Variants in FN3K observed in about 807,000 individuals in gnomAD.
FN3K encodes the protein fructosamine-3-kinase.
In FN3K, 24 loss-of-function variants were observed where a neutral mutation model predicts 24.8. The ratio of observed to expected loss-of-function variants is 0.97; its 90% confidence interval spans 0.70 to 1.36. FN3K has a LOEUF of 1.36. Ranked by LOEUF, FN3K falls within the 40% of genes most tolerant of loss-of-function variation. FN3K has a pLI of 0.00. For missense variants in FN3K, 449 were observed against 416.7 expected (o/e 1.08, Z -0.67); for synonymous variants, 192 against 175.2 (o/e 1.10, Z -0.76).
At position 82,748,700 on chromosome 17, in the gene FN3K, A is replaced by G. The variant is rs539155470; in HGVS notation, c.469-155A>G. Among the ~76,000 whole-genome samples the G allele has an allele frequency of 4.6e-5, 7 of 151,818 alleles. No individual in the cohort carries two copies. The East Asian group carries it at 1.4e-3, about 29-fold the overall frequency. On this transcript the variant is annotated intron_variant, in intron 4 of 5. Transcript: ENST00000300784. ...TTCATCTGCCCTTTGTTCTCTCTTT[A>G]CCTGCCTTCCTCTGGGTTGAGTATT... is the stretch of plus-strand genomic sequence containing the variant.
chr17:82,741,600 C>T (rs1417611017), intron 4 of FN3K: 3 of 532,564 alleles, frequency 5.6e-6, no homozygotes, highest in Non-Finnish European at 1.0e-5. Flanking sequence ...CATGCTGGGG[C>T]AGGCAGATCA....
Position 82,750,646 on chromosome 17 carries a change from A to C in FN3K, c.821A>C (p.Asp274Ala), listed in dbSNP as rs144849238. 2,035 of 1,613,754 alleles carry C rather than the reference A, an allele frequency of 1.3e-3. 3 individuals are homozygous for C. The highest frequency in any genetic ancestry group is 1.6e-3 in the Non-Finnish European group (1,921 of 1,179,988). Residue 274 changes from aspartate to alanine, a missense_variant, in exon 6 of 6, where the codon GAC (aspartate) becomes GCC (alanine). Physicochemically the swap from Asp to Ala is moderately radical, Grantham distance 126. Coordinates refer to ENST00000300784, the MANE Select transcript of FN3K (RefSeq NM_022158.4). The part of the protein sequence containing the change: ...HRKIPKAPGF[D>A]QRLLLYQLFN... ...AAGATCCCCAAGGCTCCGGGCTTCG[A>C]CCAGCGGCTGCTGCTCTACCAGCTG...
chr17:82,741,406 G>A lies in FN3K; in HGVS notation c.468+13G>A. The A allele has an allele frequency of 6.2e-7, 1 of 1,611,184 alleles. No homozygotes were observed. The highest frequency in any genetic ancestry group is 1.7e-5 in the Admixed American group (1 of 59,718). On this transcript the variant is annotated intron_variant, in intron 4 of 5. Transcript: ENST00000300784. ...CTTCATCCCGCAGGTGAGTGCCTGG[G>A]TGAGGGTGTTCCCTGATGCCCTAAT...
chr17:82,745,270 T>G (rs2046962373), intron 4 of FN3K: 1 of 194,780 alleles, frequency 5.1e-6, no homozygotes, highest in Non-Finnish European at 1.0e-5. Flanking sequence ...TATGCTGCCT[T>G]CAAGCATTTG....
rs771122896 is a variant in FN3K at position 82,735,729 on chromosome 17, C to T, written c.93C>T (p.Tyr31=). The T allele has an allele frequency of 4.0e-5, 63 of 1,558,190 alleles. No homozygotes were observed. Among genetic ancestry groups the T allele is most frequent in the African/African-American group, 6.8e-5 (5 of 73,928 alleles). The change falls in exon 1 of 6, where the codon TAC becomes TAT. Residue 31 remains tyrosine (Y), a synonymous_variant. Coordinates refer to ENST00000300784, the MANE Select transcript of FN3K (RefSeq NM_022158.4). ...GAGCISEGRA[Y]DTDAGPVFVK... is the part of the protein sequence containing the mutation. ...GCTGCATCAGCGAGGGCCGAGCCTA[C>T]GACACGGACGCAGGCCCAGTGTTCG... is the stretch of plus-strand genomic sequence containing the variant.
chr17:82,737,626 A>G (rs1008189681), intron 1 of FN3K: 1 of 152,118 alleles, frequency 6.6e-6, no homozygotes, highest in African/African-American at 2.4e-5. Context: ...ACGGCGGTGG[A>G]ACTCCATCTC....
At chr17:82,736,100 C>A (rs1415153858) in intron 1 of FN3K, 5 of 305,032 alleles carry the variant, frequency 1.6e-5, no homozygotes, top group Non-Finnish European at 2.5e-5. Context: ...AGCCCACCGT[C>A]CTCCTGGCAG....
At chr17:82,742,338 G>A (rs149309089) in intron 4 of FN3K, among the ~76,000 whole-genome samples, 1 of 152,274 alleles carries the variant, frequency 6.6e-6, no homozygotes, top group East Asian at 1.9e-4. Context: ...ACCATGCCTG[G>A]CCAGAACATT....
intron 1 of FN3K, among the ~76,000 whole-genome samples, chr17:82,736,958 G>A (rs1224607832): frequency 6.6e-6 from 1 of 152,058 alleles, no homozygotes; most frequent in African/African-American, 2.4e-5. Context: ...CATAGTAGCT[G>A]CTCAGTCCAT....
rs543538915 is a variant in FN3K at position 82,739,289 on chromosome 17, T to C, written c.293+649T>C. 5.3e-5 allele frequency among the ~76,000 whole-genome samples: 8 copies of C among 151,868 alleles called. No homozygotes were observed. The South Asian group carries it at 1.5e-3, about 28-fold the overall frequency. On this transcript the variant is annotated intron_variant, in intron 2 of 5. Transcript: ENST00000300784. ...AACCCATCATTTGCTTTGTACTTTA[T>C]TTTTATTTTATTTTTCCAAGACAGA...
At chr17:82,743,579 G>A (rs1310717981) in intron 4 of FN3K, among the ~76,000 whole-genome samples, 1 of 152,106 alleles carries the variant, frequency 6.6e-6, no homozygotes, top group African/African-American at 2.4e-5. Flanking sequence ...GCCCCCTGGG[G>A]CTGCCAGCTG....
chr17:82,749,232 A>T lies in FN3K; in HGVS notation c.591+255A>T, dbSNP rs113025137. 8.0e-3 allele frequency: 4,510 copies of T among 562,602 alleles called. 181 individuals are homozygous for T. Among genetic ancestry groups the T allele is most frequent in the African/African-American group, 0.076 (4,059 of 53,474 alleles). 34.9% of individuals were successfully genotyped at this position (562,602 alleles called of 1,614,324 possible). A position where few individuals can be genotyped will look rare whatever the true frequency, so the allele number is the denominator to read the frequency against. ...AGGTATTTAGCCTCAGACTTTCCTC[A>T]TGTGAAACACAGGTGCTTGTAAATG... On this transcript the variant is annotated intron_variant, in intron 5 of 5. Coordinates refer to ENST00000300784, the MANE Select transcript of FN3K (RefSeq NM_022158.4).
chr17:82,738,393 C>T (rs1364502340), intron 1 of FN3K, 96 bp from the exon 2 acceptor site: 75 of 1,530,600 alleles, frequency 4.9e-5, no homozygotes, highest in Non-Finnish European at 6.7e-5. Flanking sequence ...GAATGAAGGT[C>T]CTTGTGACTC....
In FN3K at chr17:82,738,946, A is replaced by ATT. The variant is rs539276396; in HGVS notation, c.293+319_293+320dup. Among the ~76,000 whole-genome samples the ATT allele has an allele frequency of 1.0e-4, 9 of 86,152 alleles. No homozygotes were observed. The South Asian group carries it at 2.2e-3, about 21-fold the overall frequency. 56.5% of individuals were successfully genotyped at this position (86,152 alleles called of 152,430 possible). A position where few individuals can be genotyped will look rare whatever the true frequency, so the allele number is the denominator to read the frequency against. ...TACACATATATATATATATATATAT[A>ATT]TTTTTTTTTTTTTTGAAACACAGTC... is the stretch of plus-strand genomic sequence containing the variant. On this transcript the variant is annotated intron_variant, in intron 2 of 5. Transcript: ENST00000300784.
In FN3K at chr17:82,751,196, C is replaced by T. The variant is rs2047044028; in HGVS notation, c.*441C>T. 1 of 141,058 alleles carries T rather than the reference C, an allele frequency of 7.1e-6. No individual in the cohort carries two copies. Among genetic ancestry groups the T allele is most frequent in the Non-Finnish European group, 1.4e-5 (1 of 70,690 alleles). 8.7% of individuals were successfully genotyped at this position (141,058 alleles called of 1,614,324 possible). A position where few individuals can be genotyped will look rare whatever the true frequency, so the allele number is the denominator to read the frequency against. ...AAAGCCCGCAGCGGGTCTCGGCTGG[C>T]GTCCTGCGCCTCGTTCCTCCGCTCG... On this transcript the variant is annotated 3_prime_UTR_variant, in exon 6 of 6. Transcript: ENST00000300784.
chr17:82,742,600 G>A (rs2046946817), intron 4 of FN3K: 2 of 423,114 alleles, frequency 4.7e-6, no homozygotes, highest in South Asian at 1.7e-5. Context: ...TAGGCCACAC[G>A]TTTCTTTACA....
chr17:82,749,228 C>G (rs2046986852), intron 5 of FN3K: 2 of 569,770 alleles, frequency 3.5e-6, no homozygotes, highest in Non-Finnish European at 6.3e-6. Flanking sequence ...CTCAGACTTT[C>G]CTCATGTGAA....
chr17:82,746,603 C>G (rs914448198), intron 4 of FN3K, among the ~76,000 whole-genome samples: 1 of 151,960 alleles, frequency 6.6e-6, no homozygotes, highest in Non-Finnish European at 1.5e-5. Context: ...GAGTTCGAGA[C>G]CAGCCTGGCC....
At chr17:82,741,007 A>C in intron 3 of FN3K, 153 bp downstream of exon 3, 1 of 693,868 alleles carries the variant, frequency 1.4e-6, no homozygotes, top group African/African-American at 1.8e-5. Context: ...TTATTAAATA[A>C]GAATTTTGAT....
Sources: allele counts gnomAD v4.1 joint callset (sites outside exome capture counted in the v4.1 genomes callset), GRCh38; gene constraint gnomAD v4.1.1; transcripts MANE v1.5; gene names NCBI Gene and HGNC (gene_info 2026-07-23, HGNC 2026-07-21).